MIPOL1: variants seen among roughly 807,000 people sequenced by gnomAD.
MIPOL1 encodes mirror-image polydactyly 1, also known as mirror-image polydactyly gene 1 protein.
In MIPOL1, 57 loss-of-function variants were observed where a neutral mutation model predicts 60.9. The ratio of observed to expected loss-of-function variants is 0.94; its 90% CI spans 0.76 to 1.17. The LOEUF is 1.17. Ranked by LOEUF, MIPOL1 falls within the 50% of genes most tolerant of loss-of-function variation. The pLI, the probability that MIPOL1 is intolerant of heterozygous loss-of-function variation, is 0.00. For synonymous variants in MIPOL1, 179 were observed against 168.8 expected (o/e 1.06, Z -0.47); for missense variants, 551 against 511.6 (o/e 1.08, Z -0.74).
At chr14:37,435,210 T>G (rs2153561986) in intron 11 of MIPOL1, among the ~76,000 whole-genome samples, 1 of 152,300 alleles carries the variant, frequency 6.6e-6, no homozygotes, top group Admixed American at 6.5e-5. Flanking sequence ...CTTAACATGT[T>G]TCTACTCTTG....
Position 37,208,132 on chromosome 14 carries a change from G to T in MIPOL1, c.-199+10028G>T, listed in dbSNP as rs115184834. Among the ~76,000 whole-genome samples the T allele has an allele frequency of 3.4e-3, 523 of 152,200 alleles. 3 individuals are homozygous for T. The highest frequency in any genetic ancestry group is 0.012 in the African/African-American group (513 of 41,520). On this transcript the variant is annotated intron_variant, in intron 1 of 12. Coordinates refer to ENST00000684589, the MANE Select transcript of MIPOL1 (RefSeq NM_001388067.1). ...TTAATTTAGATTTTATACTGTTTTG[G>T]ATGCATATAGTCAGGTAATCTATTC...
chr14:37,365,536 C>T (rs2092442475), intron 9 of MIPOL1, among the ~76,000 whole-genome samples: 1 of 152,124 alleles, frequency 6.6e-6, no homozygotes, highest in Non-Finnish European at 1.5e-5. Context: ...GTTGAATCAT[C>T]CTTGCATCCC....
chr14:37,246,392 A>G (rs2153354175), intron 1 of MIPOL1, among the ~76,000 whole-genome samples: 1 of 152,280 alleles, frequency 6.6e-6, no homozygotes, highest in South Asian at 2.1e-4. Flanking sequence ...AATTATCATA[A>G]TATAGGTATT....
At chr14:37,523,549 AT>A in intron 12 of MIPOL1, 1 of 429,392 alleles carries the variant, frequency 2.3e-6, no homozygotes, top group Non-Finnish European at 4.1e-6. Context: ...AAGAAGAAAG[AT>A]TGTTGCACAT....
Position 37,308,435 on chromosome 14 carries a change from C to T in MIPOL1, c.744C>T (p.Ile248=), listed in dbSNP as rs772724167. Residue 248 remains isoleucine (I), a synonymous_variant, in exon 9 of 13, where the codon ATC becomes ATT. Coordinates refer to ENST00000684589, the MANE Select transcript of MIPOL1 (RefSeq NM_001388067.1). The stretch of plus-strand genomic sequence containing the variant: ...ATGGAGCTATAATTGTGGATAGAAT[C>T]TACAAGACCAAGGAATGTAAAATGA... The part of the protein sequence containing the change: ...QKNGAIIVDR[I]YKTKECKMRI... The T allele has an allele frequency of 1.9e-6, 3 of 1,605,912 alleles. No individual in the cohort carries two copies. The South Asian group carries it at 3.3e-5, about 18-fold the overall frequency.
intron 10 of MIPOL1, among the ~76,000 whole-genome samples, chr14:37,370,584 G>T (rs1478404088): frequency 6.6e-6 from 1 of 152,104 alleles, no homozygotes; most frequent in African/African-American, 2.4e-5. Context: ...GAGGAAAATG[G>T]TGACATTTTA....
chr14:37,315,716 C>G (rs1031766603), intron 9 of MIPOL1, among the ~76,000 whole-genome samples: 6 of 152,084 alleles, frequency 3.9e-5, no homozygotes, highest in African/African-American at 1.4e-4. Flanking sequence ...ATGACATTCT[C>G]TTTTGGATAT....
At chr14:37,351,768 C>G (rs1470053024) in intron 9 of MIPOL1, among the ~76,000 whole-genome samples, 2 of 113,582 alleles carry the variant, frequency 1.8e-5, no homozygotes, top group Non-Finnish European at 3.6e-5. Flanking sequence ...TTGTTTTTTT[C>G]TTGTAAATTT....
intron 10 of MIPOL1, among the ~76,000 whole-genome samples, chr14:37,372,340 C>A (rs1412916892): frequency 6.6e-6 from 1 of 151,994 alleles, no homozygotes; most frequent in African/African-American, 2.4e-5. Context: ...ATAATAATGT[C>A]TTTATTTGTT....
At position 37,346,652 on chromosome 14, in the gene MIPOL1, C is replaced by T. The variant is rs113078253; in HGVS notation, c.829-22865C>T. Among the ~76,000 whole-genome samples, 1,121 of 152,200 alleles carry T rather than the reference C, an allele frequency of 7.4e-3. 14 individuals are homozygous for T. Among genetic ancestry groups the T allele is most frequent in the African/African-American group, 0.025 (1,052 of 41,542 alleles). On this transcript the variant is annotated intron_variant, in intron 9 of 12. Transcript: ENST00000684589. Reference sequence around the variant, plus strand: ...GAGAGGAAACCTGAAGAGCTATAGACATACTGGGTAAATAGTGATATAAGA... The same window carrying T: ...GAGAGGAAACCTGAAGAGCTATAGATATACTGGGTAAATAGTGATATAAGA...
chr14:37,305,644 T>A (rs892560761), intron 7 of MIPOL1, among the ~76,000 whole-genome samples: 11 of 151,836 alleles, frequency 7.2e-5, no homozygotes, highest in Admixed American at 4.6e-4. Flanking sequence ...CTGAAACTTT[T>A]AAAAAAATAC....
At chr14:37,414,594 TC>T (rs1286701533) in intron 10 of MIPOL1, among the ~76,000 whole-genome samples, 1 of 152,190 alleles carries the variant, frequency 6.6e-6, no homozygotes, top group African/African-American at 2.4e-5. Flanking sequence ...TTATTGAGAA[TC>T]CCTTTTAAAT....
At chr14:37,510,053 T>C (rs907165096) in intron 12 of MIPOL1, among the ~76,000 whole-genome samples, 1 of 151,884 alleles carries the variant, frequency 6.6e-6, no homozygotes, top group East Asian at 1.9e-4. Flanking sequence ...TTCATCTTTG[T>C]ATAGTCTGTA....
chr14:37,249,562 T>C (rs951168804), intron 3 of MIPOL1, among the ~76,000 whole-genome samples: 3 of 152,198 alleles, frequency 2.0e-5, no homozygotes, highest in Non-Finnish European at 4.4e-5. Flanking sequence ...AGAATCCAGA[T>C]AGCTGATGTA....
At chr14:37,287,671 A>G (rs780766255) in intron 7 of MIPOL1, among the ~76,000 whole-genome samples, 1 of 152,202 alleles carries the variant, frequency 6.6e-6, no homozygotes, top group Non-Finnish European at 1.5e-5. Flanking sequence ...ACTTCATGCA[A>G]TATTTTCTCT....
rs1342634747 is a variant in MIPOL1, at chr14:37,549,820, A to G, written c.*2849A>G. ...GCCTCAGCCTTCACTAATTAGGAATATTGTGACAATTCATTGCTAATAAAA... is the reference window on the plus strand; with the variant it reads ...GCCTCAGCCTTCACTAATTAGGAATGTTGTGACAATTCATTGCTAATAAAA... On this transcript the variant is annotated 3_prime_UTR_variant, in exon 13 of 13. Transcript: ENST00000684589. The G allele has an allele frequency of 6.6e-6, 1 of 152,014 alleles. No individual in the cohort carries two copies. Among genetic ancestry groups the G allele is most frequent in the Admixed American group, 6.6e-5 (1 of 15,260 alleles). The allele number at this position is 152,014 out of a possible 1,614,324, so 9.4% of individuals were successfully genotyped here. A position where few individuals can be genotyped will look rare whatever the true frequency, so the allele number is the denominator to read the frequency against.
chr14:37,479,179 C>T (rs1462728638), intron 11 of MIPOL1, among the ~76,000 whole-genome samples: 2 of 152,110 alleles, frequency 1.3e-5, no homozygotes, highest in Non-Finnish European at 2.9e-5. Context: ...ACATGAACAA[C>T]ACTTTAGCCC....
At chr14:37,531,412 TA>T (rs2095478465) in intron 12 of MIPOL1, among the ~76,000 whole-genome samples, 1 of 152,094 alleles carries the variant, frequency 6.6e-6, no homozygotes, top group Non-Finnish European at 1.5e-5. Context: ...ACTGAACAAC[TA>T]AAAGGTTACT....
intron 11 of MIPOL1, among the ~76,000 whole-genome samples, chr14:37,478,275 G>T (rs2094808278): frequency 1.3e-5 from 2 of 152,120 alleles, no homozygotes; most frequent in South Asian, 4.1e-4. Flanking sequence ...ATAGTGTACT[G>T]GTCATGAAAC....
Sources: allele counts gnomAD v4.1 joint callset (sites outside exome capture counted in the v4.1 genomes callset), GRCh38; gene constraint gnomAD v4.1.1; transcripts MANE v1.5; gene names NCBI Gene and HGNC (gene_info 2026-07-23, HGNC 2026-07-21).